RBFOX1: variants seen among roughly 807,000 people sequenced by gnomAD.
RBFOX1 encodes RNA binding protein fox-1 homolog 1.
Under a neutral mutation model 57.7 loss-of-function variants are expected in RBFOX1, and 8 were observed. The ratio of observed to expected loss-of-function variants is 0.14; its 90% confidence interval spans 0.08 to 0.25. RBFOX1 has a LOEUF of 0.25. Ranked by LOEUF, RBFOX1 falls within the 10% of genes least tolerant of loss-of-function variation. RBFOX1 has a pLI of 1.00. For synonymous variants in RBFOX1, 326 were observed against 222.4 expected, an observed-to-expected ratio of 1.47 and a Z score of -4.15; for missense variants, 611 against 548.5, an observed-to-expected ratio of 1.11 and a Z score of -1.14.
intron 4 of RBFOX1, among the ~76,000 whole-genome samples, chr16:7,375,498 GT>G (rs1303255513): frequency 2.0e-5 from 3 of 148,852 alleles, no homozygotes; most frequent in Non-Finnish European, 4.5e-5. Flanking sequence ...GAGAGGTTTT[GT>G]TTTTTTGTTT....
At chr16:7,269,449 T>G (rs2095263482) in intron 4 of RBFOX1, among the ~76,000 whole-genome samples, 1 of 152,124 alleles carries the variant, frequency 6.6e-6, no homozygotes, top group Non-Finnish European at 1.5e-5. Flanking sequence ...TGTGTGTGTA[T>G]GTGTGTTTGT....
intron 4 of RBFOX1, among the ~76,000 whole-genome samples, chr16:5,963,709 A>T (rs985429510): frequency 2.6e-5 from 4 of 152,212 alleles, no homozygotes; most frequent in African/African-American, 9.6e-5. Context: ...ATCCAGAGGC[A>T]GAAGAGTGAA....
chr16:7,010,727 G>A (rs2093615415), intron 3 of RBFOX1, among the ~76,000 whole-genome samples: 1 of 151,996 alleles, frequency 6.6e-6, no homozygotes, highest in African/African-American at 2.4e-5. Context: ...CCACTGCCCG[G>A]CTGATTTTTG....
At chr16:6,165,494 T>C (rs182229189) in intron 1 of RBFOX1, among the ~76,000 whole-genome samples, 1 of 152,290 alleles carries the variant, frequency 6.6e-6, no homozygotes, top group East Asian at 1.9e-4. Flanking sequence ...GAGTTCAAAA[T>C]GAGAGTTCCA....
chr16:5,295,533 C>G (rs1395082561), intron 1 of RBFOX1, among the ~76,000 whole-genome samples: 9 of 152,154 alleles, frequency 5.9e-5, no homozygotes, highest in Non-Finnish European at 1.0e-4. Flanking sequence ...TGCTTCCAGG[C>G]TCATCTGGTT....
intron 3 of RBFOX1, among the ~76,000 whole-genome samples, chr16:7,035,371 G>C (rs1051211715): frequency 6.6e-6 from 1 of 152,116 alleles, no homozygotes; most frequent in Non-Finnish European, 1.5e-5. Flanking sequence ...TATCCCTCAT[G>C]ATACGGATCA....
At chr16:7,214,981 T>A (rs537482820) in intron 4 of RBFOX1, among the ~76,000 whole-genome samples, 1 of 152,304 alleles carries the variant, frequency 6.6e-6, no homozygotes, top group South Asian at 2.1e-4. Context: ...GGTGGTTTGC[T>A]GCACCTATCA....
intron 1 of RBFOX1, among the ~76,000 whole-genome samples, chr16:5,429,015 C>T (rs1023956648): frequency 1.3e-5 from 2 of 152,056 alleles, no homozygotes; most frequent in Non-Finnish European, 2.9e-5. Context: ...AATGGAAGTA[C>T]CAGGGAGGTT....
At chr16:6,846,380 A>G (rs548147822) in intron 3 of RBFOX1, among the ~76,000 whole-genome samples, 1 of 152,360 alleles carries the variant, frequency 6.6e-6, no homozygotes, top group South Asian at 2.1e-4. Context: ...AGCAAGCTGT[A>G]TTGCTGAAAA....
chr16:5,657,080 C>G (rs975414147), intron 3 of RBFOX1, among the ~76,000 whole-genome samples: 1 of 152,072 alleles, frequency 6.6e-6, no homozygotes, highest in African/African-American at 2.4e-5. Context: ...GCACATGTAT[C>G]CCAGAACTTA....
At chr16:7,173,542 T>A (rs2081110983) in intron 4 of RBFOX1, among the ~76,000 whole-genome samples, 1 of 152,224 alleles carries the variant, frequency 6.6e-6, no homozygotes, top group South Asian at 2.1e-4. Flanking sequence ...GCTTACTTCA[T>A]TGTATTTCAG....
intron 3 of RBFOX1, among the ~76,000 whole-genome samples, chr16:5,743,759 T>C (rs978865767): frequency 6.6e-6 from 1 of 152,170 alleles, no homozygotes; most frequent in Non-Finnish European, 1.5e-5. Context: ...CCCTGGCTTG[T>C]CTGAAACTCC....
At chr16:6,119,492 C>T (rs554748611) in intron 1 of RBFOX1, among the ~76,000 whole-genome samples, 5 of 152,172 alleles carry the variant, frequency 3.3e-5, no homozygotes, top group Non-Finnish European at 7.3e-5. Flanking sequence ...TAAAAGTACA[C>T]TAATTTATTA....
At chr16:5,785,552 A>T (rs182610850) in intron 3 of RBFOX1, among the ~76,000 whole-genome samples, 1 of 148,572 alleles carries the variant, frequency 6.7e-6, no homozygotes, top group Non-Finnish European at 1.5e-5. Flanking sequence ...TTTGAGGCGG[A>T]GTTTCACTCT....
chr16:5,339,786 C>A (rs1163138492), intron 1 of RBFOX1, among the ~76,000 whole-genome samples: 1 of 151,980 alleles, frequency 6.6e-6, no homozygotes, highest in African/African-American at 2.4e-5. Context: ...CACAAGCCTT[C>A]CAGCATGGCA....
chr16:7,335,187 G>A (rs1318253507), intron 4 of RBFOX1, among the ~76,000 whole-genome samples: 2 of 152,204 alleles, frequency 1.3e-5, no homozygotes, highest in South Asian at 4.1e-4. Context: ...GCTCTGAGCC[G>A]ATGTTTCTGC....
intron 1 of RBFOX1, among the ~76,000 whole-genome samples, chr16:6,256,499 T>A (rs2097668283): frequency 6.6e-6 from 1 of 151,170 alleles, no homozygotes; most frequent in African/African-American, 2.4e-5. Flanking sequence ...GAGACCAGAT[T>A]GTATGGATTT....
chr16:5,602,721 C>A (rs1025160364), downstream of RBFOX1, among the ~76,000 whole-genome samples: 2 of 151,814 alleles, frequency 1.3e-5, no homozygotes, highest in African/African-American at 2.4e-5. Flanking sequence ...TTTTCTTTGA[C>A]AGTGGTAGTA....
At position 5,581,365 on chromosome 16, in the gene RBFOX1, C is replaced by A. The variant is rs902005721; in HGVS notation, c.259-17537C>A. 3.9e-5 allele frequency among the ~76,000 whole-genome samples: 6 copies of A among 152,228 alleles called. No individual in the cohort carries two copies. In the East Asian group the frequency reaches 1.2e-3, roughly 29 times the overall value. ...AATAAGCCATTTGTGTAATTAAACA[C>A]TCTTTTGTCCAATACCTATGTGTGT... On this transcript the variant is annotated intron_variant, in intron 2 of 2. Transcript: ENST00000585867.
Sources: gnomAD v4.1 joint callset for allele counts (sites outside exome capture counted in the v4.1 genomes callset) on GRCh38, gnomAD v4.1.1 for gene constraint, MANE v1.5 for transcripts, NCBI Gene and HGNC (gene_info 2026-07-23, HGNC 2026-07-21) for gene names.